The following CADPS variants were observed in gnomAD, a reference collection of about 807,000 sequenced individuals.
CADPS encodes the protein calcium-dependent secretion activator 1.
A neutral mutation model predicts 167.3 loss-of-function variants in CADPS; 57 were observed. The ratio of observed to expected loss-of-function variants is 0.34; its 90% CI spans 0.28 to 0.42. The LOEUF is 0.42. Ranked by LOEUF, CADPS falls within the 20% of genes least tolerant of loss-of-function variation. CADPS has a pLI of 1.00. For missense variants in CADPS, 1,414 were observed against 1,738.1 expected (o/e 0.81, Z 3.32); for synonymous variants, 676 against 635.3 (o/e 1.06, Z -0.96).
rs564810251 is a variant in CADPS at position 62,516,087 on chromosome 3, A to G, written c.2553T>C (p.Ser851=). The part of the protein sequence containing the change: ...CLEQAALVNY[S]RLSEYAKIEE... ...CGATTTTGGCATACTCTGAGAGCCG[A>G]GAATAGTTGACTAACGCAGCCTGTT... The change falls in exon 16 of 30, where the codon TCT becomes TCC. Residue 851 remains serine, a synonymous_variant. Coordinates refer to ENST00000383710, the MANE Select transcript of CADPS (RefSeq NM_003716.4). 1.2e-6 allele frequency: 2 copies of G among 1,613,302 alleles called. No homozygotes were observed. The highest frequency in any genetic ancestry group is 1.3e-5 in the African/African-American group (1 of 74,992).
chr3:62,423,556 T>G (rs2051946356), intron 28 of CADPS, among the ~76,000 whole-genome samples: 1 of 152,250 alleles, frequency 6.6e-6, no homozygotes, highest in African/African-American at 2.4e-5. Context: ...ATATTATAGT[T>G]ACATGGCTAT....
chr3:62,857,248 C>T (rs1032557168), intron 1 of CADPS, among the ~76,000 whole-genome samples: 6 of 151,906 alleles, frequency 3.9e-5, no homozygotes, highest in Non-Finnish European at 8.8e-5. Context: ...AATAACGCAT[C>T]GAGTTGGCAA....
chr3:62,588,962 T>A (rs988926646), intron 7 of CADPS, among the ~76,000 whole-genome samples: 5 of 152,154 alleles, frequency 3.3e-5, no homozygotes, highest in Admixed American at 3.3e-4. Flanking sequence ...AAGGATACCA[T>A]AAATTGAAAA....
chr3:62,693,174 G>A (rs568317548), intron 3 of CADPS, among the ~76,000 whole-genome samples: 29 of 152,022 alleles, frequency 1.9e-4, no homozygotes, highest in African/African-American at 6.8e-4. Context: ...TTTCTTAGAG[G>A]GGTCCTCCCT....
chr3:62,650,796 C>T, intron 5 of CADPS, 51 bp downstream of exon 5: 3 of 1,370,638 alleles, frequency 2.2e-6, no homozygotes, highest in East Asian at 4.6e-5. Flanking sequence ...TCTAATCGCC[C>T]ATGTCCTACT....
chr3:62,505,155 C>G (rs983518084), intron 17 of CADPS, among the ~76,000 whole-genome samples: 2 of 152,156 alleles, frequency 1.3e-5, no homozygotes, highest in African/African-American at 4.8e-5. Flanking sequence ...CCCAGCTTCC[C>G]TAAAATGATG....
At chr3:62,733,915 T>G (rs1348766909) in intron 3 of CADPS, among the ~76,000 whole-genome samples, 1 of 152,142 alleles carries the variant, frequency 6.6e-6, no homozygotes, top group Non-Finnish European at 1.5e-5. Context: ...ACAGCTTAAC[T>G]CCCACGTAAA....
chr3:62,833,404 C>T (rs1388000757), intron 1 of CADPS, among the ~76,000 whole-genome samples: 1 of 151,782 alleles, frequency 6.6e-6, no homozygotes, highest in East Asian at 2.0e-4. Context: ...ATCCTCCTGC[C>T]TCAGCCTCCC....
chr3:62,697,184 G>C (rs775796556), intron 3 of CADPS, among the ~76,000 whole-genome samples: 1 of 152,018 alleles, frequency 6.6e-6, no homozygotes, highest in Non-Finnish European at 1.5e-5. Flanking sequence ...CTTTAGTGGT[G>C]ATTTGTAAAA....
intron 17 of CADPS, among the ~76,000 whole-genome samples, chr3:62,504,977 CA>C (rs1159050327): frequency 6.6e-6 from 1 of 152,080 alleles, no homozygotes; most frequent in Non-Finnish European, 1.5e-5. Context: ...CACTTATTAC[CA>C]AGTTCCAGCC....
intron 2 of CADPS, among the ~76,000 whole-genome samples, chr3:62,760,478 C>T (rs1458330680): frequency 2.6e-5 from 4 of 152,032 alleles, no homozygotes; most frequent in East Asian, 1.9e-4. Context: ...CAGCCTTGAA[C>T]CTCTGGCCCC....
intron 12 of CADPS, chr3:62,536,025 C>T (rs1382188767): frequency 6.5e-6 from 1 of 153,970 alleles, no homozygotes; most frequent in East Asian, 1.9e-4. Context: ...ATCATTTTAA[C>T]CTTTAAGAAA....
intron 1 of CADPS, among the ~76,000 whole-genome samples, chr3:62,799,188 T>C (rs1513148): frequency 0.17 from 26,501 of 152,156 alleles, 2,690 homozygotes; most frequent in Middle Eastern, 0.3. Context: ...GACAGCACTT[T>C]ACTTGGGTGC....
chr3:62,431,627 A>T (rs1258427629), intron 28 of CADPS, among the ~76,000 whole-genome samples: 1 of 151,854 alleles, frequency 6.6e-6, no homozygotes, highest in Non-Finnish European at 1.5e-5. Flanking sequence ...CCCTATAACA[A>T]GTCAAGATCA....
In CADPS at chr3:62,431,860, T is replaced by TTA. The variant is rs543798848; in HGVS notation, c.3777+6242_3777+6243dup. 1.1e-3 allele frequency among the ~76,000 whole-genome samples: 169 copies of TTA among 150,212 alleles called. 2 individuals carry two copies. The highest frequency in any genetic ancestry group is 4.6e-3 in the South Asian group (22 of 4,750). On this transcript the variant is annotated intron_variant, in intron 28 of 29. Transcript: ENST00000383710. ...TTACTCATTTTAGAAAAAGAGTACATTATATATATATATAATTATATAGAA... is the reference window on the plus strand; with the variant it reads ...TTACTCATTTTAGAAAAAGAGTACATTATATATATATATATAATTATATAGAA...
In CADPS at chr3:62,544,587, C is replaced by T. The variant is rs1302994014; in HGVS notation, c.1966+5316G>A. ...ATTCTTGGAATGAAAAAAAATTAGA[C>T]GTTAATGGTTGGCTTTACTCAGAGG... On this transcript the variant is annotated intron_variant, in intron 11 of 29. Transcript: ENST00000383710. The surrounding 1 kb of genome is among the most constrained non-coding windows in gnomAD (Gnocchi z 4.4). 2.0e-5 allele frequency among the ~76,000 whole-genome samples: 3 copies of T among 152,012 alleles called. No individual in the cohort carries two copies. The highest frequency in any genetic ancestry group is 2.1e-4 in the South Asian group (1 of 4,824).
Position 62,511,973 on chromosome 3 carries a change from G to A in CADPS, c.2599+778C>T, listed in dbSNP as rs534898512. On this transcript the variant is annotated intron_variant, in intron 17 of 29. Transcript: ENST00000383710. ...AAAGGTTCATGTGTCTTGAACACAG[G>A]TTTATGAGTCTTCAAATACTTATTG... 3.3e-5 allele frequency among the ~76,000 whole-genome samples: 5 copies of A among 152,242 alleles called. No individual in the cohort carries two copies. In the East Asian group the frequency reaches 5.8e-4, roughly 18 times the overall value.
chr3:62,808,774 C>A (rs304222), intron 1 of CADPS, among the ~76,000 whole-genome samples: 4 of 151,850 alleles, frequency 2.6e-5, no homozygotes, highest in Non-Finnish European at 5.9e-5. Flanking sequence ...GTATCTCTAG[C>A]CTTGACCTTC....
intron 3 of CADPS, among the ~76,000 whole-genome samples, chr3:62,695,198 G>A (rs2080038171): frequency 6.6e-6 from 1 of 151,994 alleles, no homozygotes; most frequent in Non-Finnish European, 1.5e-5. Context: ...ACCTGATTTT[G>A]GGATTAGGGA....
Sources: allele counts gnomAD v4.1 joint callset (sites outside exome capture counted in the v4.1 genomes callset), GRCh38; gene constraint gnomAD v4.1.1; non-coding constraint Gnocchi (gnomAD v3.1); transcripts MANE v1.5; gene names NCBI Gene and HGNC (gene_info 2026-07-23, HGNC 2026-07-21).